Variants in ZNF66 observed in about 807,000 individuals in gnomAD.
The protein encoded by ZNF66 is putative zinc finger protein 66.
In ZNF66, 32 loss-of-function variants were observed where a neutral mutation model predicts 35.2. The ratio of observed to expected loss-of-function variants is 0.91; its 90% CI spans 0.69 to 1.22. ZNF66 has a LOEUF of 1.22. Among genes scored for constraint, ZNF66 ranks in the 50% most tolerant of loss-of-function variants. The pLI, the probability that ZNF66 is intolerant of heterozygous loss-of-function variation, is 0.00. For missense variants in ZNF66, 666 were observed against 543.1 expected (o/e 1.23, Z -2.25); for synonymous variants, 231 against 181.3 (o/e 1.27, Z -2.20).
intron 2 of ZNF66, among the ~76,000 whole-genome samples, chr19:20,793,569 C>T (rs1971362563): frequency 6.6e-6 from 1 of 152,022 alleles, no homozygotes; most frequent in Admixed American, 6.6e-5. Flanking sequence ...GATCTGCCTG[C>T]CTCGGCCTCC....
At chr19:20,803,573 A>G (rs183169060) in intron 3 of ZNF66, among the ~76,000 whole-genome samples, 1 of 152,102 alleles carries the variant, frequency 6.6e-6, no homozygotes, top group Non-Finnish European at 1.5e-5. Context: ...AATAATTTCT[A>G]TAGTTTTTAT....
At chr19:20,781,660 C>T (rs1365911739) in intron 1 of ZNF66, among the ~76,000 whole-genome samples, 1 of 151,904 alleles carries the variant, frequency 6.6e-6, no homozygotes, top group African/African-American at 2.4e-5. Flanking sequence ...AGGTGCATTC[C>T]ACCATGCCCA....
intron 3 of ZNF66, among the ~76,000 whole-genome samples, chr19:20,797,078 T>C (rs1028867509): frequency 2.0e-5 from 3 of 151,962 alleles, no homozygotes; most frequent in Admixed American, 6.6e-5. Flanking sequence ...CTTGAACTTA[T>C]GACCTCAGGT....
At chr19:20,799,644 C>T (rs364293) in intron 3 of ZNF66, among the ~76,000 whole-genome samples, 113,088 of 152,056 alleles carry the variant, frequency 0.74, 42,456 homozygotes, top group Non-Finnish European at 0.79. Flanking sequence ...AATCCAACTT[C>T]ATTTTATCAG....
In ZNF66 at chr19:20,806,830, TCC is replaced by T. The variant is rs780580785; in HGVS notation, c.1233_1234del (p.Leu412PhefsTer2). The T allele has an allele frequency of 5.4e-5, 70 of 1,305,436 alleles. No homozygotes were observed. Among genetic ancestry groups the T allele is most frequent in the Non-Finnish European group, 8.9e-6 (8 of 903,424 alleles). 80.9% of individuals were successfully genotyped at this position (1,305,436 alleles called of 1,614,324 possible). A position where few individuals can be genotyped will look rare whatever the true frequency, so the allele number is the denominator to read the frequency against. On this transcript the variant is annotated frameshift_variant, in exon 4 of 4. Transcript: ENST00000344519. LOFTEE classifies it high-confidence loss of function. The stretch of plus-strand genomic sequence containing the variant: ...GTGGCAAAGTGTTTAAGCACTCCTC[TCC>T]CCTTTCTAAACATAAGAGAATTCAT... ...ECGKVFKHSS[P>X]LSKHKRIHTG...
chr19:20,777,563 G>A (rs1038938435), intron 1 of ZNF66, among the ~76,000 whole-genome samples: 2 of 149,604 alleles, frequency 1.3e-5, no homozygotes, highest in African/African-American at 2.5e-5. Flanking sequence ...GACTTTCCCT[G>A]GCATTTTTCA....
intron 3 of ZNF66, among the ~76,000 whole-genome samples, chr19:20,794,824 G>C (rs941649015): frequency 1.4e-5 from 2 of 144,120 alleles, no homozygotes; most frequent in Non-Finnish European, 3.0e-5. Context: ...TTAATGTACT[G>C]TTTATGGTTT....
rs1017409204 is a variant in ZNF66, at chr19:20,808,791, C to G, written c.*1469C>G. Among the ~76,000 whole-genome samples, 3 of 125,214 alleles carry G rather than the reference C, an allele frequency of 2.4e-5. No homozygotes were observed. The highest frequency in any genetic ancestry group is 1.5e-4 in the Admixed American group (2 of 13,252). The allele number at this position is 125,214 out of a possible 152,430, so 82.1% of individuals were successfully genotyped here. ...GGAAAGTCTAAAAAGCAGAGCACCT[C>G]TCCTCCTCCAAAGGAACACAGTTCC... On this transcript the variant is annotated 3_prime_UTR_variant, in exon 4 of 4. Coordinates refer to ENST00000344519, the MANE Select transcript of ZNF66 (RefSeq NM_001355197.2).
chr19:20,780,522 A>T (rs1971236173), intron 1 of ZNF66, among the ~76,000 whole-genome samples: 2 of 152,144 alleles, frequency 1.3e-5, no homozygotes, highest in African/African-American at 2.4e-5. Flanking sequence ...AGATGGGCCC[A>T]TGGGGTTTTT....
At chr19:20,785,478 C>T (rs1459808638) in intron 1 of ZNF66, among the ~76,000 whole-genome samples, 1 of 152,190 alleles carries the variant, frequency 6.6e-6, no homozygotes, top group Non-Finnish European at 1.5e-5. Context: ...TGGATATAAG[C>T]ATTTAGCATA....
At chr19:20,788,718 C>A (rs1971309630) in intron 1 of ZNF66, among the ~76,000 whole-genome samples, 1 of 151,962 alleles carries the variant, frequency 6.6e-6, no homozygotes, top group Non-Finnish European at 1.5e-5. Context: ...ATTTCTATTT[C>A]TTTTACCTTG....
At chr19:20,789,420 A>G (rs1387437113) in intron 1 of ZNF66, among the ~76,000 whole-genome samples, 1 of 152,100 alleles carries the variant, frequency 6.6e-6, no homozygotes, top group Non-Finnish European at 1.5e-5. Flanking sequence ...ATTTCTTGAA[A>G]CCCAAAAACA....
intron 1 of ZNF66, among the ~76,000 whole-genome samples, chr19:20,784,204 A>G (rs563770460): frequency 6.6e-6 from 1 of 152,196 alleles, no homozygotes; most frequent in Non-Finnish European, 1.5e-5. Flanking sequence ...TGAATCACTT[A>G]AATGGTTATT....
Position 20,808,386 on chromosome 19 carries a change from G to A in ZNF66, c.*1064G>A, listed in dbSNP as rs1396992916. On this transcript the variant is annotated 3_prime_UTR_variant, in exon 4 of 4. Transcript: ENST00000344519. ...AGCACGCAGCTGGAGATCTGAGAACGGGCAGACTGCCTCCTCAAGTGGGTC... is the reference window on the plus strand; with the variant it reads ...AGCACGCAGCTGGAGATCTGAGAACAGGCAGACTGCCTCCTCAAGTGGGTC... Among the ~76,000 whole-genome samples the A allele has an allele frequency of 2.0e-5, 3 of 152,312 alleles. No homozygotes were observed. The highest frequency in any genetic ancestry group is 2.1e-4 in the South Asian group (1 of 4,822).
chr19:20,806,755 T>G lies in ZNF66; in HGVS notation c.1155T>G (p.Thr385=). The change falls in exon 4 of 4, where the codon ACT becomes ACG. Residue 385 remains threonine, a synonymous_variant. Transcript: ENST00000344519. ...GEAFKYSCSL[T]AHKIIHTGKK... is the part of the protein sequence containing the mutation. The stretch of plus-strand genomic sequence containing the variant: ...CCTTTAAGTACTCCTGTTCCCTTAC[T>G]GCACATAAGATAATTCATACTGGAA... 2 of 1,343,502 alleles carry G rather than the reference T, an allele frequency of 1.5e-6. No individual in the cohort carries two copies. Among genetic ancestry groups the G allele is most frequent in the Non-Finnish European group, 2.1e-6 (2 of 936,602 alleles). 83.2% of individuals were successfully genotyped at this position (1,343,502 alleles called of 1,614,324 possible).
At chr19:20,805,715 T>A (rs1209631319) in intron 3 of ZNF66, 112 bp from the exon 4 acceptor site, 3 of 429,860 alleles carry the variant, frequency 7.0e-6, no homozygotes, top group Non-Finnish European at 1.2e-5. Context: ...CTTGTGATAT[T>A]TTGCTACATC....
intron 3 of ZNF66, among the ~76,000 whole-genome samples, chr19:20,802,363 G>A (rs1445430490): frequency 6.6e-6 from 1 of 152,062 alleles, no homozygotes; most frequent in African/African-American, 2.4e-5. Flanking sequence ...TTTTTGAGGT[G>A]GAGTTAAAAT....
chr19:20,786,641 A>G (rs1367366324), intron 1 of ZNF66, among the ~76,000 whole-genome samples: 1 of 142,104 alleles, frequency 7.0e-6, no homozygotes, highest in Non-Finnish European at 1.5e-5. Context: ...TCAGAGAGAC[A>G]TTAAAATAAA....
chr19:20,803,289 G>A (rs1479343390), intron 3 of ZNF66, among the ~76,000 whole-genome samples: 1 of 148,584 alleles, frequency 6.7e-6, no homozygotes, highest in Admixed American at 6.8e-5. Context: ...TTGTGTCTTT[G>A]TCTCTCATTT....
Sources: gnomAD v4.1 joint callset for allele counts (sites outside exome capture counted in the v4.1 genomes callset) on GRCh38, gnomAD v4.1.1 for gene constraint, MANE v1.5 for transcripts, NCBI Gene and HGNC (gene_info 2026-07-23, HGNC 2026-07-21) for gene names.